STK32A: variants seen among roughly 807,000 people sequenced by gnomAD.
STK32A encodes serine/threonine-protein kinase 32A.
Under a neutral mutation model 53.2 loss-of-function variants are expected in STK32A, and 41 were observed. The observed-to-expected ratio is 0.77, with a 90% CI of 0.60 to 1.00. The LOEUF is 1.00. Ranked by LOEUF, STK32A falls within the 50% of genes least tolerant of loss-of-function variation. The pLI is 0.00. For synonymous variants in STK32A, 166 were observed against 162.8 expected (o/e 1.02, Z -0.15); for missense variants, 458 against 485.8 (o/e 0.94, Z 0.54).
At position 147,357,177 on chromosome 5, in the gene STK32A, A is replaced by T. The variant is rs1256171422; in HGVS notation, c.563-4340A>T. 7.2e-5 allele frequency among the ~76,000 whole-genome samples: 11 copies of T among 152,224 alleles called. No individual in the cohort carries two copies. The South Asian group carries it at 1.2e-3, about 17-fold the overall frequency. On this transcript the variant is annotated intron_variant, in intron 7 of 12. Transcript: ENST00000397936. ...ATTTGATTAATTAAAAGAGCAAAAG[A>T]ATTTCTGGTCAAAGCCTTTACATGT...
At chr5:147,260,208 CTCTCCTCTCTCTCTCTCTCCTCTCTG>C (rs1561675238) in intron 2 of STK32A, among the ~76,000 whole-genome samples, 1 of 67,854 alleles carries the variant, frequency 1.5e-5, no homozygotes, top group African/African-American at 6.8e-5. Context: ...TCTCCTCTCT[CTCTCCTCTCTCTCTCTCTCCTCTCTG>C]TCTCTGTCTC....
intron 4 of STK32A, among the ~76,000 whole-genome samples, chr5:147,288,472 AT>A (rs1752446061): frequency 6.6e-6 from 1 of 152,112 alleles, no homozygotes; most frequent in African/African-American, 2.4e-5. Context: ...AGACTGGGTA[AT>A]TTTTAAAGAA....
chr5:147,359,786 G>A (rs1756411733), intron 7 of STK32A, among the ~76,000 whole-genome samples: 1 of 152,168 alleles, frequency 6.6e-6, no homozygotes, highest in Non-Finnish European at 1.5e-5. Context: ...AATGCACTAG[G>A]GAAATAGCCC....
intron 1 of STK32A, among the ~76,000 whole-genome samples, chr5:147,238,961 T>A (rs978687821): frequency 1.3e-5 from 2 of 152,142 alleles, no homozygotes; most frequent in African/African-American, 2.4e-5. Flanking sequence ...ACTTAATATA[T>A]AATGAGTTAA....
chr5:147,396,351 A>T, the STK32A span, among the ~76,000 whole-genome samples: 1 of 152,194 alleles, frequency 6.6e-6, no homozygotes, highest in Non-Finnish European at 1.5e-5. Context: ...GCCTTGTGCC[A>T]GGCACTAGGG....
At position 147,380,303 on chromosome 5, in the gene STK32A, C is replaced by G. The variant is rs536062352; in HGVS notation, c.1033-3138C>G. Reference sequence around the variant, plus strand: ...CTGGAAACCCTCAGGATTACAAATGCTTCCGTTTGCAAGTAAGAGTGAAAT... The same window carrying G: ...CTGGAAACCCTCAGGATTACAAATGGTTCCGTTTGCAAGTAAGAGTGAAAT... On this transcript the variant is annotated intron_variant, in intron 11 of 12. Coordinates refer to ENST00000397936, the MANE Select transcript of STK32A (RefSeq NM_001112724.2). 1.2e-3 allele frequency among the ~76,000 whole-genome samples: 178 copies of G among 152,132 alleles called. 1 individual carries two copies. Among genetic ancestry groups the G allele is most frequent in the Non-Finnish European group, 9.9e-4 (67 of 67,994 alleles).
the STK32A span, among the ~76,000 whole-genome samples, chr5:147,397,187 T>C: frequency 7.9e-6 from 1 of 127,040 alleles, no homozygotes; most frequent in Admixed American, 8.2e-5. Flanking sequence ...TATATATATA[T>C]ATACACACAT....
At chr5:147,354,697 A>G (rs565282742) in intron 7 of STK32A, among the ~76,000 whole-genome samples, 1 of 152,344 alleles carries the variant, frequency 6.6e-6, no homozygotes, top group Admixed American at 6.5e-5. Context: ...CAGAAGCTAA[A>G]TAATTTGGCC....
chr5:147,360,341 C>T (rs1756441640), intron 7 of STK32A, among the ~76,000 whole-genome samples: 1 of 149,672 alleles, frequency 6.7e-6, no homozygotes, highest in Admixed American at 6.7e-5. Flanking sequence ...GTCCCAGCTA[C>T]TTGGGAGGCC....
At chr5:147,355,668 A>G (rs755171824) in intron 7 of STK32A, among the ~76,000 whole-genome samples, 3 of 152,096 alleles carry the variant, frequency 2.0e-5, no homozygotes, top group Non-Finnish European at 4.4e-5. Flanking sequence ...ACAGAGCGAG[A>G]TTCCGTCTCA....
At chr5:147,375,319 T>C in intron 11 of STK32A, 101 bp downstream of exon 11, 1 of 1,431,904 alleles carries the variant, frequency 7.0e-7, no homozygotes. Context: ...TTCCTGCTTT[T>C]GCTGCTTAGT....
At chr5:147,370,264 A>G (rs144053683) in intron 8 of STK32A, among the ~76,000 whole-genome samples, 1 of 152,290 alleles carries the variant, frequency 6.6e-6, no homozygotes, top group African/African-American at 2.4e-5. Flanking sequence ...CAACCCTTAC[A>G]TAATAATTTT....
chr5:147,272,607 A>G (rs1755088409), intron 2 of STK32A, among the ~76,000 whole-genome samples: 1 of 144,870 alleles, frequency 6.9e-6, no homozygotes, highest in African/African-American at 2.6e-5. Flanking sequence ...ATGCAGAGAG[A>G]ATCTCTTAAA....
At chr5:147,304,444 A>T (rs1753302129) in intron 4 of STK32A, among the ~76,000 whole-genome samples, 1 of 152,176 alleles carries the variant, frequency 6.6e-6, no homozygotes, top group Non-Finnish European at 1.5e-5. Context: ...GAGCTCTTGA[A>T]TAGGCAGTAA....
At chr5:147,374,397 A>AGGAGAAAGTACAAAGTG (rs1757142027) in intron 10 of STK32A, among the ~76,000 whole-genome samples, 1 of 152,106 alleles carries the variant, frequency 6.6e-6, no homozygotes, top group African/African-American at 2.4e-5. Flanking sequence ...TGAGAGGGTA[A>AGGAGAAAGTACAAAGTG]GGAGAAAGTA....
intron 1 of STK32A, among the ~76,000 whole-genome samples, chr5:147,236,978 G>A (rs1753349702): frequency 6.6e-6 from 1 of 152,066 alleles, no homozygotes; most frequent in Admixed American, 6.5e-5. Flanking sequence ...AAAAGACAAT[G>A]TAGCCTCTGC....
At chr5:147,396,445 G>A in the STK32A span, among the ~76,000 whole-genome samples, 4,073 of 152,242 alleles carry the variant, frequency 0.027, 81 homozygotes, top group Non-Finnish European at 0.042. Flanking sequence ...CCATGGCAGC[G>A]GCACACAACC....
At chr5:147,268,975 G>A (rs1259742906) in intron 2 of STK32A, among the ~76,000 whole-genome samples, 1 of 152,198 alleles carries the variant, frequency 6.6e-6, no homozygotes, top group Admixed American at 6.5e-5. Flanking sequence ...TTGATTATGT[G>A]TGTTTAATAG....
chr5:147,244,345 G>A (rs1753699351), intron 2 of STK32A, among the ~76,000 whole-genome samples: 1 of 152,186 alleles, frequency 6.6e-6, no homozygotes. Context: ...AAACATTGGT[G>A]TGCAAATGTC....
Sources: gnomAD v4.1 joint callset for allele counts (sites outside exome capture counted in the v4.1 genomes callset) on GRCh38, gnomAD v4.1.1 for gene constraint, MANE v1.5 for transcripts, NCBI Gene and HGNC (gene_info 2026-07-23, HGNC 2026-07-21) for gene names.